The following TNNI3K variants were observed in gnomAD, a reference collection of about 807,000 sequenced individuals.
The protein encoded by TNNI3K is serine/threonine-protein kinase TNNI3K.
In TNNI3K, 140 loss-of-function variants were observed where a neutral mutation model predicts 114.5. The ratio of observed to expected loss-of-function variants is 1.22; its 90% CI spans 1.07 to 1.41. TNNI3K has a LOEUF of 1.41. Ranked by LOEUF, TNNI3K falls within the 40% of genes most tolerant of loss-of-function variation. The probability of loss-of-function intolerance (pLI) is 0.00; values close to 1 mark genes in which losing one functional copy is unlikely to be tolerated. For synonymous variants in TNNI3K, 347 were observed against 347.5 expected (o/e 1.00, Z 0.02); for missense variants, 1,125 against 1,007.6 (o/e 1.12, Z -1.58).
At chr1:74,410,865 A>C (rs1281102558) in intron 17 of TNNI3K, among the ~76,000 whole-genome samples, 1 of 152,218 alleles carries the variant, frequency 6.6e-6, no homozygotes, top group Non-Finnish European at 1.5e-5. Context: ...GAATGATCTC[A>C]CCAAGAGTTT....
intron 20 of TNNI3K, among the ~76,000 whole-genome samples, chr1:74,441,815 T>A (rs1053834599): frequency 5.9e-5 from 9 of 152,120 alleles, no homozygotes; most frequent in Admixed American, 5.2e-4. Flanking sequence ...AATAGTCTCA[T>A]CATTTAGTTG....
chr1:74,463,300 A>G, intron 20 of TNNI3K, 141 bp from the exon 21 acceptor site: 2 of 795,978 alleles, frequency 2.5e-6, no homozygotes, highest in East Asian at 2.5e-5. Flanking sequence ...CCATTGGGGG[A>G]AAAAAGCCTA....
intron 20 of TNNI3K, among the ~76,000 whole-genome samples, chr1:74,456,556 C>T (rs905675996): frequency 1.3e-5 from 2 of 152,174 alleles, no homozygotes; most frequent in African/African-American, 4.8e-5. Flanking sequence ...ATTAATCCAT[C>T]AATATGTATT....
chr1:74,248,425 C>G (rs1000806485), intron 2 of TNNI3K, among the ~76,000 whole-genome samples: 1 of 152,122 alleles, frequency 6.6e-6, no homozygotes, highest in East Asian at 1.9e-4. Flanking sequence ...GAGGAGGTGC[C>G]GAGAGCGAGC....
At chr1:74,363,368 C>G (rs1662076279) in intron 11 of TNNI3K, among the ~76,000 whole-genome samples, 1 of 151,994 alleles carries the variant, frequency 6.6e-6, no homozygotes, top group Admixed American at 6.6e-5. Context: ...GCTGAGGGGG[C>G]CTCTTGGCAT....
chr1:74,384,114 T>C (rs1663351323), intron 17 of TNNI3K, among the ~76,000 whole-genome samples: 1 of 152,160 alleles, frequency 6.6e-6, no homozygotes, highest in African/African-American at 2.4e-5. Flanking sequence ...ATTTTTCAGA[T>C]CACCTTACCA....
At chr1:74,418,857 G>T (rs867811382) in intron 17 of TNNI3K, among the ~76,000 whole-genome samples, 1 of 152,034 alleles carries the variant, frequency 6.6e-6, no homozygotes, top group Non-Finnish European at 1.5e-5. Context: ...AATTCACTAT[G>T]ATATGCTTAG....
intron 11 of TNNI3K, among the ~76,000 whole-genome samples, chr1:74,364,787 T>C (rs1220312922): frequency 6.6e-6 from 1 of 151,298 alleles, no homozygotes; most frequent in African/African-American, 2.5e-5. Context: ...GGAAGGGGGC[T>C]ACAAGCCAAG....
intron 23 of TNNI3K, among the ~76,000 whole-genome samples, chr1:74,525,699 A>G (rs1050838038): frequency 6.6e-6 from 1 of 152,192 alleles, no homozygotes; most frequent in Non-Finnish European, 1.5e-5. Flanking sequence ...AAATATGACC[A>G]TGGAGGCCTG....
intron 20 of TNNI3K, among the ~76,000 whole-genome samples, chr1:74,449,437 G>T (rs1666882098): frequency 6.6e-6 from 1 of 151,670 alleles, no homozygotes; most frequent in Non-Finnish European, 1.5e-5. Flanking sequence ...TTGATTTTTT[G>T]AATGGTTTTT....
At chr1:74,280,588 A>C (rs1013214117) in intron 5 of TNNI3K, among the ~76,000 whole-genome samples, 5 of 152,234 alleles carry the variant, frequency 3.3e-5, no homozygotes, top group Middle Eastern at 3.4e-3. Context: ...ATAGTGAAAA[A>C]CAATACAGGG....
chr1:74,252,783 C>A (rs1397840399), intron 4 of TNNI3K, among the ~76,000 whole-genome samples: 3 of 152,116 alleles, frequency 2.0e-5, no homozygotes, highest in African/African-American at 7.2e-5. Context: ...CAGACCTTCG[C>A]GGTGAGTGTT....
chr1:74,349,035 T>G (rs1252676377), intron 9 of TNNI3K, among the ~76,000 whole-genome samples: 1 of 152,178 alleles, frequency 6.6e-6, no homozygotes, highest in African/African-American at 2.4e-5. Flanking sequence ...AACGCTATGT[T>G]GAATAGGAGT....
chr1:74,281,159 A>G (rs997731183), intron 5 of TNNI3K, among the ~76,000 whole-genome samples: 5 of 152,142 alleles, frequency 3.3e-5, no homozygotes, highest in African/African-American at 1.2e-4. Flanking sequence ...CAGGCCTTGA[A>G]TAAACATGAG....
chr1:74,539,299 A>G (rs1646697819), intron 23 of TNNI3K, among the ~76,000 whole-genome samples: 1 of 152,156 alleles, frequency 6.6e-6, no homozygotes, highest in Non-Finnish European at 1.5e-5. Context: ...ACTGAAATGG[A>G]AAGAACTGGC....
At position 74,416,008 on chromosome 1, in the gene TNNI3K, G is replaced by A. The variant is rs553217486; in HGVS notation, c.1773-20072G>A. Among the ~76,000 whole-genome samples, 13 of 152,266 alleles carry A rather than the reference G, an allele frequency of 8.5e-5. No individual in the cohort carries two copies. The South Asian group carries it at 1.9e-3, about 22-fold the overall frequency. Reference sequence around the variant, plus strand: ...AGAATCATCAGTGTGGGAAGGGGAAGTCTTCTAGGATGACCCAGTCTGAGA... The same window carrying A: ...AGAATCATCAGTGTGGGAAGGGGAAATCTTCTAGGATGACCCAGTCTGAGA... On this transcript the variant is annotated intron_variant, in intron 17 of 24. Coordinates refer to ENST00000326637, the MANE Select transcript of TNNI3K (RefSeq NM_015978.3).
intron 4 of TNNI3K, 122 bp downstream of exon 4, chr1:74,250,891 C>T: frequency 2.5e-6 from 2 of 796,440 alleles, no homozygotes; most frequent in Non-Finnish European, 3.7e-6. Flanking sequence ...AGAGGCGTTA[C>T]ATTACTAAAG....
At chr1:74,394,958 A>C (rs1015131906) in intron 17 of TNNI3K, among the ~76,000 whole-genome samples, 1 of 151,480 alleles carries the variant, frequency 6.6e-6, no homozygotes, top group African/African-American at 2.4e-5. Context: ...GCAGGAGAAT[A>C]GCGTGAACCC....
At chr1:74,373,030 C>T (rs1477707434) in intron 17 of TNNI3K, 1 of 151,802 alleles carries the variant, frequency 6.6e-6, no homozygotes, top group Non-Finnish European at 1.5e-5. Context: ...TATTTTCTAT[C>T]AATCTTTAAT....
Sources: allele counts gnomAD v4.1 joint callset (sites outside exome capture counted in the v4.1 genomes callset), GRCh38; gene constraint gnomAD v4.1.1; transcripts MANE v1.5; gene names NCBI Gene and HGNC (gene_info 2026-07-23, HGNC 2026-07-21).